MPC2: variants seen among roughly 807,000 people sequenced by gnomAD.
MPC2 encodes the protein mitochondrial pyruvate carrier 2.
A neutral mutation model predicts 19.2 loss-of-function variants in MPC2; 19 were observed. The ratio of observed to expected loss-of-function variants is 0.99; its 90% CI spans 0.69 to 1.45. The LOEUF (loss-of-function observed/expected upper bound fraction) is 1.45. Ranked by LOEUF, MPC2 falls within the 40% of genes most tolerant of loss-of-function variation. MPC2 has a pLI of 0.00. For missense variants in MPC2, 122 were observed against 153.0 expected, an observed-to-expected ratio of 0.80 and a Z score of 1.07; for synonymous variants, 61 against 54.3, an observed-to-expected ratio of 1.12 and a Z score of -0.54.
chr1:167,923,536 A>T (rs1044460129), intron 3 of MPC2, among the ~76,000 whole-genome samples: 46 of 152,142 alleles, frequency 3.0e-4, no homozygotes, highest in Admixed American at 2.9e-3. Flanking sequence ...GTTGCCAGGG[A>T]CTGGGAGAAG....
chr1:167,936,858 C>CAACAA, intron 1 of MPC2, 81 bp downstream of exon 1: 13 of 1,428,724 alleles, frequency 9.1e-6, no homozygotes, highest in Non-Finnish European at 1.3e-5. Flanking sequence ...TCCCCTCCCC[C>CAACAA]TCCTCCCCTC....
chr1:167,935,685 G>C, intron 2 of MPC2, 48 bp downstream of exon 2: 1 of 1,489,264 alleles, frequency 6.7e-7, no homozygotes, highest in Non-Finnish European at 9.2e-7. Context: ...CCATTTTAGA[G>C]GAAGCGAGAA....
intron 2 of MPC2, among the ~76,000 whole-genome samples, chr1:167,933,317 G>A (rs866961444): frequency 2.8e-4 from 42 of 151,924 alleles, no homozygotes; most frequent in African/African-American, 9.7e-4. Flanking sequence ...ACTGGCACCC[G>A]CCACTACACC....
intron 2 of MPC2, among the ~76,000 whole-genome samples, chr1:167,925,295 T>C (rs1415540701): frequency 6.6e-6 from 1 of 151,664 alleles, no homozygotes; most frequent in African/African-American, 2.4e-5. Flanking sequence ...TCAATACTAT[T>C]CATACTTGTA....
chr1:167,923,171 T>C (rs553574326), intron 3 of MPC2, among the ~76,000 whole-genome samples: 8 of 152,234 alleles, frequency 5.3e-5, no homozygotes, highest in Non-Finnish European at 1.2e-4. Context: ...AATTATCATA[T>C]GATCTAGCAA....
chr1:167,934,300 T>C (rs1670997795), intron 2 of MPC2, among the ~76,000 whole-genome samples: 1 of 152,206 alleles, frequency 6.6e-6, no homozygotes, highest in Admixed American at 6.5e-5. Context: ...CATGCCCTTA[T>C]CCTACAGCTA....
intron 2 of MPC2, among the ~76,000 whole-genome samples, chr1:167,933,784 G>T (rs1670982400): frequency 6.6e-6 from 1 of 152,070 alleles, no homozygotes; most frequent in Non-Finnish European, 1.5e-5. Flanking sequence ...TTCTACACTG[G>T]TGTGCCTCCA....
At chr1:167,936,520 C>T in intron 1 of MPC2, 1 of 234,926 alleles carries the variant, frequency 4.3e-6, no homozygotes, top group Non-Finnish European at 8.5e-6. Flanking sequence ...GTGAGGGCAG[C>T]CGCAGCACAC....
chr1:167,920,242 G>A (rs1670567511), intron 4 of MPC2, 152 bp from the exon 5 acceptor site: 2 of 601,480 alleles, frequency 3.3e-6, no homozygotes, highest in South Asian at 2.5e-5. Context: ...CTGTAACTTA[G>A]TGTCACAGAA....
chr1:167,925,442 C>CGTATATATATATAT (rs1553200802), intron 2 of MPC2, among the ~76,000 whole-genome samples: 19 of 82,454 alleles, frequency 2.3e-4, no homozygotes, highest in Non-Finnish European at 2.8e-4. Flanking sequence ...TACATATACA[C>CGTATATATATATAT]ATATATATAT....
chr1:167,934,161 C>T (rs1008851907), intron 2 of MPC2, among the ~76,000 whole-genome samples: 2 of 152,180 alleles, frequency 1.3e-5, no homozygotes, highest in Non-Finnish European at 2.9e-5. Context: ...CCTCTTCATT[C>T]TGAAAGCTGA....
intron 2 of MPC2, among the ~76,000 whole-genome samples, chr1:167,927,324 C>A (rs1171273824): frequency 6.6e-6 from 1 of 152,190 alleles, no homozygotes; most frequent in Non-Finnish European, 1.5e-5. Flanking sequence ...TCCTATAAGT[C>A]AGTCTTCTCA....
rs770528435 is a variant in MPC2, at chr1:167,937,025, G to A, written c.-144C>T. On this transcript the variant is annotated 5_prime_UTR_variant, in exon 1 of 6. Coordinates refer to ENST00000271373, the MANE Select transcript of MPC2 (RefSeq NM_001143674.4). ...GCTACCTGGGTGAGCGGGGGCCCCG[G>A]GGCGGAGGCGCTGAGGTCGCCGCCT... 3 of 1,598,412 alleles carry A rather than the reference G, an allele frequency of 1.9e-6. No homozygotes were observed. The highest frequency in any genetic ancestry group is 2.6e-6 in the Non-Finnish European group (3 of 1,172,442).
chr1:167,926,176 G>T (rs1218102153), intron 2 of MPC2, among the ~76,000 whole-genome samples: 1 of 152,100 alleles, frequency 6.6e-6, no homozygotes. Context: ...TCTTGTGTAC[G>T]TTCGAATTTT....
At chr1:167,923,220 T>C (rs1036875045) in intron 3 of MPC2, among the ~76,000 whole-genome samples, 1 of 152,196 alleles carries the variant, frequency 6.6e-6, no homozygotes, top group Admixed American at 6.5e-5. Flanking sequence ...ATTAAAAGTA[T>C]TGACTTAAAC....
rs759657831 is a variant in MPC2 at position 167,918,294 on chromosome 1, C to G, written c.*29G>C. The G allele has an allele frequency of 6.5e-7, 1 of 1,546,506 alleles. No individual in the cohort carries two copies. The highest frequency in any genetic ancestry group is 8.9e-7 in the Non-Finnish European group (1 of 1,125,500). On this transcript the variant is annotated 3_prime_UTR_variant, in exon 6 of 6. Transcript: ENST00000271373. ...TAGGTCCCAATGGTTTTGTCCACAT[C>G]TAGATTGTTCAGGTGATCAGGAACT...
At chr1:167,923,493 G>C (rs1257051014) in intron 3 of MPC2, among the ~76,000 whole-genome samples, 1 of 152,154 alleles carries the variant, frequency 6.6e-6, no homozygotes, top group Non-Finnish European at 1.5e-5. Context: ...ACTTAGAGTA[G>C]TGAAATTCAT....
In MPC2 at chr1:167,918,287, TC is replaced by T; in HGVS notation, c.*35del. On this transcript the variant is annotated 3_prime_UTR_variant, in exon 6 of 6. Transcript: ENST00000271373. ...AATAAACTAGGTCCCAATGGTTTTG[TC>T]CACATCTAGATTGTTCAGGTGATCA... 6.6e-7 allele frequency: 1 copy of T among 1,517,744 alleles called. No homozygotes were observed. The highest frequency in any genetic ancestry group is 9.0e-7 in the Non-Finnish European group (1 of 1,108,168). 94.0% of individuals were successfully genotyped at this position (1,517,744 alleles called of 1,614,324 possible).
At chr1:167,925,045 C>T (rs1027145802) in intron 2 of MPC2, among the ~76,000 whole-genome samples, 2 of 152,108 alleles carry the variant, frequency 1.3e-5, no homozygotes, top group African/African-American at 4.8e-5. Flanking sequence ...AAAGTATCAC[C>T]AGATAGTGCA....
Sources: gnomAD v4.1 joint callset for allele counts (sites outside exome capture counted in the v4.1 genomes callset) on GRCh38, gnomAD v4.1.1 for gene constraint, MANE v1.5 for transcripts, NCBI Gene and HGNC (gene_info 2026-07-23, HGNC 2026-07-21) for gene names.